The following FERMT1 variants were observed in gnomAD, a reference collection of about 807,000 sequenced individuals.
FERMT1 encodes fermitin family homolog 1.
In FERMT1, 60 loss-of-function variants were observed where a neutral mutation model predicts 85.3. That is an observed-to-expected ratio of 0.70 (90% CI 0.57 to 0.87). FERMT1 has a LOEUF of 0.87. Ranked by LOEUF, FERMT1 falls within the 40% of genes least tolerant of loss-of-function variation. The pLI, the probability that FERMT1 is intolerant of heterozygous loss-of-function variation, is 0.00. For synonymous variants in FERMT1, 275 were observed against 301.1 expected (o/e 0.91, Z 0.90); for missense variants, 701 against 818.9 (o/e 0.86, Z 1.76).
At chr20:6,100,442 G>A (rs532440672) in intron 6 of FERMT1, among the ~76,000 whole-genome samples, 1 of 152,166 alleles carries the variant, frequency 6.6e-6, no homozygotes, top group African/African-American at 2.4e-5. Context: ...TCAGGGCTGG[G>A]AGGGTAGGAG....
chr20:6,107,729 T>C (rs1034466613), intron 5 of FERMT1, 95 bp from the exon 6 acceptor site: 2 of 662,630 alleles, frequency 3.0e-6, no homozygotes, highest in Admixed American at 2.2e-5. Context: ...CATATATATA[T>C]CCTTGAACAA....
intron 4 of FERMT1, 135 bp downstream of exon 4, chr20:6,112,342 T>C: frequency 2.4e-6 from 2 of 848,094 alleles, no homozygotes; most frequent in Non-Finnish European, 1.9e-6. Flanking sequence ...TAAACTTGAC[T>C]AGATAGCCTT....
intron 6 of FERMT1, among the ~76,000 whole-genome samples, chr20:6,099,047 G>A (rs574274202): frequency 1.2e-4 from 18 of 152,296 alleles, no homozygotes; most frequent in Non-Finnish European, 1.9e-4. Flanking sequence ...GGTAGAAACA[G>A]CAGAATGGAT....
chr20:6,091,386 C>T (rs570618945), intron 9 of FERMT1, among the ~76,000 whole-genome samples: 11 of 151,420 alleles, frequency 7.3e-5, no homozygotes, highest in South Asian at 2.1e-4. Flanking sequence ...CGTGCCACCA[C>T]GGCCGGCTAA....
intron 2 of FERMT1, 84 bp downstream of exon 2, chr20:6,119,320 C>T (rs771138572): frequency 1.7e-5 from 23 of 1,329,698 alleles, no homozygotes; most frequent in Non-Finnish European, 2.3e-5. Context: ...GATAAATGAT[C>T]AGAAAAACCT....
intron 6 of FERMT1, among the ~76,000 whole-genome samples, chr20:6,098,566 T>C (rs566134935): frequency 6.6e-6 from 1 of 151,112 alleles, no homozygotes; most frequent in East Asian, 1.9e-4. Context: ...ATAAATTTAA[T>C]ATAAAATATT....
Position 6,085,124 on chromosome 20 carries a change from T to G in FERMT1, c.1535A>C (p.Asp512Ala). ...TGACACAAAACATTCTGGGTTCATATCCATGTTTTCGAGACTGGAAGCCAC... is the reference window on the plus strand; with the variant it reads ...TGACACAAAACATTCTGGGTTCATAGCCATGTTTTCGAGACTGGAAGCCAC... ...SQVASSLENM[D>A]MNPECFVSPR... Residue 512 changes from aspartate to alanine, a missense_variant, in exon 12 of 15, where the codon GAT becomes GCT. Asp to Ala is a moderately radical substitution (Grantham distance 126). Transcript: ENST00000217289. 3 of 1,614,214 alleles carry G rather than the reference T, an allele frequency of 1.9e-6. No individual in the cohort carries two copies. The highest frequency in any genetic ancestry group is 2.5e-6 in the Non-Finnish European group (3 of 1,180,030).
chr20:6,076,306 G>A lies in FERMT1; in HGVS notation c.*867C>T. 1 of 389,304 alleles carries A rather than the reference G, an allele frequency of 2.6e-6. No homozygotes were observed. Among genetic ancestry groups the A allele is most frequent in the Non-Finnish European group, 5.2e-6 (1 of 193,816 alleles). 24.1% of individuals were successfully genotyped at this position (389,304 alleles called of 1,614,324 possible). Reference sequence around the variant, plus strand: ...ACTGGAATCCTTGACACTGGCAGGTGTTTCTATGAACAGAGAGGACTGTGC... The same window carrying A: ...ACTGGAATCCTTGACACTGGCAGGTATTTCTATGAACAGAGAGGACTGTGC... On this transcript the variant is annotated 3_prime_UTR_variant, in exon 15 of 15. Coordinates refer to ENST00000217289, the MANE Select transcript of FERMT1 (RefSeq NM_017671.5).
chr20:6,079,400 A>G (rs1265533710), intron 14 of FERMT1, 36 bp downstream of exon 14: 2 of 1,609,202 alleles, frequency 1.2e-6, no homozygotes, highest in Non-Finnish European at 1.7e-6. Flanking sequence ...ACACATTTAT[A>G]GGCTCAACAC....
chr20:6,119,800 T>C (rs1358957347), intron 1 of FERMT1, among the ~76,000 whole-genome samples: 1 of 152,194 alleles, frequency 6.6e-6, no homozygotes, highest in Admixed American at 6.5e-5. Context: ...CATACTTCAT[T>C]TTTCCATTCA....
intron 13 of FERMT1, 86 bp from the exon 14 acceptor site, chr20:6,079,663 A>G: frequency 8.0e-7 from 1 of 1,254,362 alleles, no homozygotes; most frequent in Non-Finnish European, 1.1e-6. Flanking sequence ...TAAAAATACT[A>G]CCAGTATTTC....
At chr20:6,086,282 GA>G (rs1215833116) in intron 11 of FERMT1, among the ~76,000 whole-genome samples, 1 of 152,144 alleles carries the variant, frequency 6.6e-6, no homozygotes, top group African/African-American at 2.4e-5. Flanking sequence ...AGAAAATGAT[GA>G]AAAAAATTAG....
At chr20:6,097,073 A>G (rs1275345758) in intron 7 of FERMT1, 40 bp from the exon 8 acceptor site, 1 of 1,589,280 alleles carries the variant, frequency 6.3e-7, no homozygotes, top group Admixed American at 1.7e-5. Flanking sequence ...TTATAAACAG[A>G]AATGTTATAA....
intron 1 of FERMT1, among the ~76,000 whole-genome samples, chr20:6,121,884 T>G (rs1023173941): frequency 6.6e-6 from 1 of 152,244 alleles, no homozygotes; most frequent in African/African-American, 2.4e-5. Context: ...AGCATTTCTA[T>G]CAACACAAAT....
rs1982208403 is a variant in FERMT1 at position 6,087,062 on chromosome 20, CAG to C, written c.1371+713_1371+714del. ...GCCAATGGAATGTGGGTGGAAGTGACAGTGTGCCAACTTCATGCCTAAGCTTT... is the reference window on the plus strand; with the variant it reads ...GCCAATGGAATGTGGGTGGAAGTGACTGTGCCAACTTCATGCCTAAGCTTT... On this transcript the variant is annotated intron_variant, in intron 11 of 14. Transcript: ENST00000217289. Among the ~76,000 whole-genome samples the C allele has an allele frequency of 3.3e-5, 5 of 152,254 alleles. No homozygotes were observed. The South Asian group carries it at 1.0e-3, about 32-fold the overall frequency.
intron 9 of FERMT1, among the ~76,000 whole-genome samples, chr20:6,094,736 G>A (rs1982456293): frequency 6.6e-6 from 1 of 152,210 alleles, no homozygotes; most frequent in Non-Finnish European, 1.5e-5. Flanking sequence ...TGGAGGCTCA[G>A]AGACATAATA....
Position 6,096,995 on chromosome 20 carries a change from CTG to C in FERMT1, c.994_995del (p.Gln332GlyfsTer9), listed in dbSNP as rs866141540. On this transcript the variant is annotated frameshift_variant, in exon 8 of 15. Coordinates refer to ENST00000217289, the MANE Select transcript of FERMT1 (RefSeq NM_017671.5). LOFTEE classifies it high-confidence loss of function. ...ISKLSLSAET[Q>X]DFAGESEVDE... ...CAACCTCGGACTCGCCTGCAAAATCCTGTGTTTCAGCAGACAACGACAGTTTG... is the reference window on the plus strand; with the variant it reads ...CAACCTCGGACTCGCCTGCAAAATCCTGTTTCAGCAGACAACGACAGTTTG... The C allele has an allele frequency of 6.2e-7, 1 of 1,613,854 alleles. No homozygotes were observed. The highest frequency in any genetic ancestry group is 1.3e-5 in the African/African-American group (1 of 74,890).
At chr20:6,079,606 G>C in intron 13 of FERMT1, 29 bp from the exon 14 acceptor site, 8 of 1,596,286 alleles carry the variant, frequency 5.0e-6, no homozygotes, top group Non-Finnish European at 6.9e-6. Flanking sequence ...TTAGTTAAGA[G>C]AAGCAACTGC....
chr20:6,095,187 A>G (rs1185667566), intron 8 of FERMT1, among the ~76,000 whole-genome samples, 199 bp from the exon 9 acceptor site: 3 of 152,204 alleles, frequency 2.0e-5, no homozygotes, highest in Non-Finnish European at 2.9e-5. Context: ...TGTGGGAGTA[A>G]GGAGGATTGG....
Sources: allele counts gnomAD v4.1 joint callset (sites outside exome capture counted in the v4.1 genomes callset), GRCh38; gene constraint gnomAD v4.1.1; transcripts MANE v1.5; gene names NCBI Gene and HGNC (gene_info 2026-07-23, HGNC 2026-07-21).